KCTD16: variants seen among roughly 807,000 people sequenced by gnomAD.
KCTD16 encodes the protein potassium channel tetramerization domain containing 16.
A neutral mutation model predicts 33.2 loss-of-function variants in KCTD16; 13 were observed. The observed-to-expected ratio is 0.39, with a 90% CI of 0.25 to 0.62. The LOEUF is 0.62. Ranked by LOEUF, KCTD16 falls within the 20% of genes least tolerant of loss-of-function variation. The pLI is 0.50. For synonymous variants in KCTD16, 197 were observed against 195.3 expected, an observed-to-expected ratio of 1.01 and a Z score of -0.07; for missense variants, 441 against 525.1, an observed-to-expected ratio of 0.84 and a Z score of 1.57.
chr5:144,240,219 A>G (rs2126820875), intron 3 of KCTD16, among the ~76,000 whole-genome samples: 1 of 152,272 alleles, frequency 6.6e-6, no homozygotes. Flanking sequence ...TCACTTTCTG[A>G]CTGCATCAGA....
chr5:144,272,169 A>G (rs1057114892), intron 3 of KCTD16, among the ~76,000 whole-genome samples: 1 of 152,172 alleles, frequency 6.6e-6, no homozygotes, highest in African/African-American at 2.4e-5. Flanking sequence ...CATGCCTGTA[A>G]TCCCAGCATT....
chr5:144,230,342 G>T (rs1183925634), intron 3 of KCTD16, among the ~76,000 whole-genome samples: 1 of 152,126 alleles, frequency 6.6e-6, no homozygotes, highest in Non-Finnish European at 1.5e-5. Flanking sequence ...AAATGGGTAG[G>T]TAATAGAAAA....
intron 2 of KCTD16, among the ~76,000 whole-genome samples, chr5:144,190,209 C>T (rs978314147): frequency 6.6e-6 from 1 of 152,182 alleles, no homozygotes. Context: ...TCTTACTAGA[C>T]TATGAGCAAT....
At chr5:144,274,948 G>A (rs1314132473) in intron 3 of KCTD16, among the ~76,000 whole-genome samples, 1 of 152,052 alleles carries the variant, frequency 6.6e-6, no homozygotes, top group Non-Finnish European at 1.5e-5. Flanking sequence ...ATTGTACCCA[G>A]GTAATTATAA....
intron 2 of KCTD16, among the ~76,000 whole-genome samples, chr5:144,197,256 G>A (rs552511013): frequency 6.6e-6 from 1 of 152,198 alleles, no homozygotes; most frequent in Non-Finnish European, 1.5e-5. Flanking sequence ...TAAAAGCAAT[G>A]TCTTATTTCT....
intron 3 of KCTD16, among the ~76,000 whole-genome samples, chr5:144,243,444 G>T (rs1488919148): frequency 1.3e-5 from 2 of 152,132 alleles, no homozygotes; most frequent in Admixed American, 6.5e-5. Flanking sequence ...AATACTCTAT[G>T]CCTGATGACC....
At chr5:144,230,268 A>C (rs916360826) in intron 3 of KCTD16, among the ~76,000 whole-genome samples, 1 of 152,238 alleles carries the variant, frequency 6.6e-6, no homozygotes, top group Admixed American at 6.5e-5. Flanking sequence ...CGTCTTTGCC[A>C]GTATAAAAGT....
At chr5:144,456,204 A>ACC (rs34549176) in intron 3 of KCTD16, among the ~76,000 whole-genome samples, 6,463 of 150,688 alleles carry the variant, frequency 0.043, 439 homozygotes, top group African/African-American at 0.14. Context: ...CCCCTCACAA[A>ACC]CCCCCCCCAA....
At chr5:144,249,844 G>A (rs1397386033) in intron 3 of KCTD16, among the ~76,000 whole-genome samples, 1 of 152,076 alleles carries the variant, frequency 6.6e-6, no homozygotes, top group African/African-American at 2.4e-5. Context: ...TCATGACTTT[G>A]AGTCTGATGT....
intron 3 of KCTD16, among the ~76,000 whole-genome samples, chr5:144,236,287 A>C (rs997797590): frequency 5.9e-5 from 9 of 152,162 alleles, no homozygotes; most frequent in African/African-American, 1.9e-4. Context: ...TCTGAAGAAG[A>C]AGCAACATTT....
chr5:144,392,849 G>A (rs1215149852), intron 3 of KCTD16, among the ~76,000 whole-genome samples: 3 of 152,098 alleles, frequency 2.0e-5, no homozygotes, highest in Admixed American at 1.3e-4. Flanking sequence ...CTCCATCAAC[G>A]CAAGCCCCTG....
At chr5:144,453,885 T>A (rs571164038) in intron 3 of KCTD16, among the ~76,000 whole-genome samples, 5 of 152,246 alleles carry the variant, frequency 3.3e-5, no homozygotes, top group African/African-American at 1.2e-4. Context: ...TTTGTAATAG[T>A]TAATTTCCCT....
At chr5:144,372,541 T>A (rs1371052068) in intron 3 of KCTD16, among the ~76,000 whole-genome samples, 1 of 152,182 alleles carries the variant, frequency 6.6e-6, no homozygotes, top group Non-Finnish European at 1.5e-5. Context: ...TACCATGATA[T>A]GTTACAAGGT....
At position 144,480,521 on chromosome 5, in the gene KCTD16, C is replaced by G. The variant is rs1754684511; in HGVS notation, c.*6407C>G. 1 of 152,030 alleles carries G rather than the reference C, an allele frequency of 6.6e-6. No homozygotes were observed. The highest frequency in any genetic ancestry group is 1.5e-5 in the Non-Finnish European group (1 of 67,930). 9.4% of individuals were successfully genotyped at this position (152,030 alleles called of 1,614,324 possible). A position where few individuals can be genotyped will look rare whatever the true frequency, so the allele number is the denominator to read the frequency against. ...GTCTTTTTTAATTGCAGCCAGTGAT[C>G]AGTGGTTTATCTATACCCTTTAGGT... On this transcript the variant is annotated 3_prime_UTR_variant, in exon 4 of 4. Transcript: ENST00000512467.
chr5:144,406,505 T>C (rs1196196504), intron 3 of KCTD16, among the ~76,000 whole-genome samples: 6 of 152,232 alleles, frequency 3.9e-5, no homozygotes, highest in Admixed American at 3.9e-4. Flanking sequence ...GAAATGTCCA[T>C]ATATAAGTGA....
chr5:144,175,032 C>T (rs998011009), intron 2 of KCTD16, among the ~76,000 whole-genome samples: 1 of 152,104 alleles, frequency 6.6e-6, no homozygotes, highest in Non-Finnish European at 1.5e-5. Flanking sequence ...CACGGGAGAA[C>T]TCAAAGTGGG....
At chr5:144,413,542 A>G (rs1014292981) in intron 3 of KCTD16, among the ~76,000 whole-genome samples, 1 of 152,210 alleles carries the variant, frequency 6.6e-6, no homozygotes, top group Non-Finnish European at 1.5e-5. Flanking sequence ...TCAGGAATGT[A>G]TCATCAGTTT....
chr5:144,475,682 T>C lies in KCTD16; in HGVS notation c.*1568T>C, dbSNP rs1754579404. ...GTTTTATTGCGTGTGTGTGCATGTG[T>C]GTATGTGTATCACAGGTAATAAAGG... On this transcript the variant is annotated 3_prime_UTR_variant, in exon 4 of 4. Transcript: ENST00000512467. The C allele has an allele frequency of 6.6e-6, 1 of 152,628 alleles. No individual in the cohort carries two copies. The highest frequency in any genetic ancestry group is 2.4e-5 in the African/African-American group (1 of 41,442). The allele number at this position is 152,628 out of a possible 1,614,324, so 9.5% of individuals were successfully genotyped here.
chr5:144,395,298 G>A (rs1164798002), intron 3 of KCTD16, among the ~76,000 whole-genome samples: 1 of 152,196 alleles, frequency 6.6e-6, no homozygotes, highest in Non-Finnish European at 1.5e-5. Flanking sequence ...GAGGCGATAT[G>A]TCCGTGTCTG....
Sources: gnomAD v4.1 joint callset for allele counts (sites outside exome capture counted in the v4.1 genomes callset) on GRCh38, gnomAD v4.1.1 for gene constraint, MANE v1.5 for transcripts, NCBI Gene and HGNC (gene_info 2026-07-23, HGNC 2026-07-21) for gene names.